The following ABCC4 variants were observed in gnomAD, a reference collection of about 807,000 sequenced individuals.
ABCC4 encodes ATP-binding cassette sub-family C member 4.
A neutral mutation model predicts 168.5 loss-of-function variants in ABCC4; 102 were observed. The ratio of observed to expected loss-of-function variants is 0.61; its 90% confidence interval spans 0.52 to 0.71. The LOEUF is 0.71. Among genes scored for constraint, ABCC4 ranks in the 30% least tolerant of loss-of-function variants. The pLI, the probability that ABCC4 is intolerant of heterozygous loss-of-function variation, is 0.00. For missense variants in ABCC4, 1,402 were observed against 1,605.8 expected, an observed-to-expected ratio of 0.87 and a Z score of 2.17; for synonymous variants, 617 against 590.7, an observed-to-expected ratio of 1.04 and a Z score of -0.65.
At chr13:95,201,051 G>A (rs1177990941) in intron 8 of ABCC4, among the ~76,000 whole-genome samples, 2 of 152,134 alleles carry the variant, frequency 1.3e-5, no homozygotes, top group Non-Finnish European at 2.9e-5. Context: ...CACTACTGCT[G>A]AACTCTAGGC....
intron 19 of ABCC4, among the ~76,000 whole-genome samples, chr13:95,139,913 G>A (rs2036263267): frequency 6.6e-6 from 1 of 152,148 alleles, no homozygotes; most frequent in African/African-American, 2.4e-5. Context: ...GCACGAAGCT[G>A]GCAACCATGC....
intron 1 of ABCC4, among the ~76,000 whole-genome samples, chr13:95,291,229 C>T (rs1199433005): frequency 6.6e-6 from 1 of 152,026 alleles, no homozygotes; most frequent in African/African-American, 2.4e-5. Context: ...GTGGCCCGCA[C>T]CTGTAGTCCC....
intron 29 of ABCC4, among the ~76,000 whole-genome samples, chr13:95,035,124 A>G (rs947226980): frequency 6.6e-6 from 1 of 152,232 alleles, no homozygotes; most frequent in African/African-American, 2.4e-5. Flanking sequence ...TTGATTTAAG[A>G]AAGTCAAATT....
intron 25 of ABCC4, among the ~76,000 whole-genome samples, chr13:95,071,442 T>A (rs1243261590): frequency 6.6e-6 from 1 of 152,196 alleles, no homozygotes; most frequent in African/African-American, 2.4e-5. Flanking sequence ...CAGAGTATCC[T>A]GGGTCACGTT....
chr13:95,251,023 A>G (rs2040244407), intron 1 of ABCC4, among the ~76,000 whole-genome samples: 1 of 152,200 alleles, frequency 6.6e-6, no homozygotes, highest in Admixed American at 6.5e-5. Context: ...CCTGGGCTCA[A>G]GTGATCCTCC....
At chr13:95,150,587 A>C (rs182811394) in intron 19 of ABCC4, among the ~76,000 whole-genome samples, 1 of 152,304 alleles carries the variant, frequency 6.6e-6, no homozygotes, top group East Asian at 1.9e-4. Context: ...AACGAGGAAG[A>C]AATTTCTCAA....
chr13:95,297,268 TAA>T (rs10652333), intron 1 of ABCC4, among the ~76,000 whole-genome samples: 2 of 140,308 alleles, frequency 1.4e-5, no homozygotes, highest in African/African-American at 5.3e-5. Context: ...CTCTGTCTCA[TAA>T]AAAAAAAAAA....
intron 20 of ABCC4, among the ~76,000 whole-genome samples, chr13:95,104,023 C>A (rs1460185192): frequency 6.6e-6 from 1 of 152,206 alleles, no homozygotes; most frequent in Non-Finnish European, 1.5e-5. Flanking sequence ...AAGCCCTTTG[C>A]TGCTGTGATG....
At chr13:95,262,629 G>T (rs2040560204) in intron 1 of ABCC4, among the ~76,000 whole-genome samples, 1 of 142,710 alleles carries the variant, frequency 7.0e-6, no homozygotes, top group South Asian at 2.3e-4. Context: ...ATGACACTTA[G>T]ACTTTTTTTT....
At chr13:95,027,104 G>A (rs1004967309) in intron 30 of ABCC4, among the ~76,000 whole-genome samples, 1 of 152,060 alleles carries the variant, frequency 6.6e-6, no homozygotes, top group African/African-American at 2.4e-5. Flanking sequence ...TGTGCAGAAC[G>A]TGCAGGTTTG....
chr13:95,136,356 T>C (rs1032942716), intron 19 of ABCC4, among the ~76,000 whole-genome samples: 16 of 152,236 alleles, frequency 1.1e-4, no homozygotes, highest in Admixed American at 2.6e-4. Flanking sequence ...TGTCTCACTA[T>C]GTTACCCAGG....
At chr13:95,062,607 A>C in intron 26 of ABCC4, 97 bp downstream of exon 26, 1 of 1,172,124 alleles carries the variant, frequency 8.5e-7, no homozygotes, top group Non-Finnish European at 1.2e-6. Flanking sequence ...AAAAAAAACA[A>C]TCCTTTCATC....
chr13:95,101,870 G>A (rs1235504110), intron 20 of ABCC4, among the ~76,000 whole-genome samples: 1 of 152,090 alleles, frequency 6.6e-6, no homozygotes, highest in Non-Finnish European at 1.5e-5. Context: ...TCATTGTCAG[G>A]CTATTTCTCC....
intron 1 of ABCC4, among the ~76,000 whole-genome samples, chr13:95,274,249 T>G (rs933335477): frequency 6.6e-6 from 1 of 152,156 alleles, no homozygotes; most frequent in Admixed American, 6.5e-5. Context: ...TGTTTATATT[T>G]TTTACTTTGT....
chr13:95,160,729 G>A (rs1041596095), intron 19 of ABCC4, among the ~76,000 whole-genome samples: 3 of 152,162 alleles, frequency 2.0e-5, no homozygotes, highest in African/African-American at 4.8e-5. Flanking sequence ...AAATGAACGG[G>A]TTTCCCAATG....
chr13:95,055,727 AC>A (rs1566376572), intron 26 of ABCC4: 1 of 152,120 alleles, frequency 6.6e-6, no homozygotes. Context: ...TACTAAAAAT[AC>A]AAAAAGTAGC....
chr13:95,199,670 C>A (rs1188367838), intron 8 of ABCC4, among the ~76,000 whole-genome samples: 1 of 152,148 alleles, frequency 6.6e-6, no homozygotes, highest in Non-Finnish European at 1.5e-5. Flanking sequence ...TGGTCTGAGT[C>A]CAAATCCCAT....
At chr13:95,029,984 T>TCC (rs1354272380) in intron 30 of ABCC4, among the ~76,000 whole-genome samples, 6 of 85,726 alleles carry the variant, frequency 7.0e-5, no homozygotes, top group Middle Eastern at 0.011. Flanking sequence ...ACTTCTTGTC[T>TCC]ATCTATCCAT....
chr13:95,073,500 T>A (rs2139311623), intron 23 of ABCC4, 196 bp from the exon 24 acceptor site: 3 of 392,540 alleles, frequency 7.6e-6, no homozygotes, highest in Middle Eastern at 1.3e-3. Flanking sequence ...TTTAGAAAAA[T>A]TTTTAGATGA....
Sources: gnomAD v4.1 joint callset for allele counts (sites outside exome capture counted in the v4.1 genomes callset) on GRCh38, gnomAD v4.1.1 for gene constraint, MANE v1.5 for transcripts, NCBI Gene and HGNC (gene_info 2026-07-23, HGNC 2026-07-21) for gene names.